RBFOX1: variants seen among roughly 807,000 people sequenced by gnomAD.
RBFOX1 encodes the protein RNA binding fox-1 homolog 1, also known as RNA binding protein fox-1 homolog 1.
Under a neutral mutation model 57.7 loss-of-function variants are expected in RBFOX1, and 8 were observed. The ratio of observed to expected loss-of-function variants is 0.14; its 90% CI spans 0.08 to 0.25. The LOEUF (loss-of-function observed/expected upper bound fraction) is 0.25, where lower values mean the gene tolerates loss of function less well. RBFOX1 is among the 10% of genes least tolerant of loss of function. The probability of loss-of-function intolerance (pLI) is 1.00; values close to 1 mark genes in which losing one functional copy is unlikely to be tolerated. For missense variants in RBFOX1, 611 were observed against 548.5 expected (o/e 1.11, Z -1.14); for synonymous variants, 326 against 222.4 (o/e 1.47, Z -4.15).
At chr16:7,366,279 G>A (rs899993369) in intron 4 of RBFOX1, among the ~76,000 whole-genome samples, 1 of 152,248 alleles carries the variant, frequency 6.6e-6, no homozygotes, top group East Asian at 1.9e-4. Flanking sequence ...CAGCAGAGCT[G>A]TGTCAGAGAA....
chr16:7,413,353 T>C (rs991406074), intron 4 of RBFOX1, among the ~76,000 whole-genome samples: 5 of 151,942 alleles, frequency 3.3e-5, no homozygotes, highest in Admixed American at 6.6e-5. Context: ...TCTGTAGCAA[T>C]GGGTCCCACA....
At chr16:6,271,283 G>A (rs1008730855) in intron 1 of RBFOX1, among the ~76,000 whole-genome samples, 3 of 152,100 alleles carry the variant, frequency 2.0e-5, no homozygotes, top group Non-Finnish European at 4.4e-5. Flanking sequence ...AATTAGCCGA[G>A]CATAGTGGCA....
At chr16:6,473,689 G>T (rs2095227938) in intron 2 of RBFOX1, among the ~76,000 whole-genome samples, 1 of 152,078 alleles carries the variant, frequency 6.6e-6, no homozygotes, top group South Asian at 2.1e-4. Flanking sequence ...CTTGCATTTT[G>T]CCAGAAACTC....
chr16:5,495,441 C>G (rs1488625257), intron 2 of RBFOX1, among the ~76,000 whole-genome samples: 4 of 152,212 alleles, frequency 2.6e-5, no homozygotes, highest in African/African-American at 9.6e-5. Context: ...GTCCCATCAT[C>G]CAGTCACCTC....
chr16:7,290,143 AAG>A (rs1245190690), intron 4 of RBFOX1, among the ~76,000 whole-genome samples: 2 of 152,202 alleles, frequency 1.3e-5, no homozygotes, highest in African/African-American at 4.8e-5. Flanking sequence ...TTCCATCTAT[AAG>A]AGAGATAAAA....
chr16:7,546,382 A>T (rs900251252), intron 5 of RBFOX1, among the ~76,000 whole-genome samples: 1 of 132,290 alleles, frequency 7.6e-6, no homozygotes, highest in Non-Finnish European at 1.7e-5. Context: ...ATAAAATAAT[A>T]AAATAAAATT....
rs551168742 is a variant in RBFOX1 at position 5,914,751 on chromosome 16, C to T, written c.351+47416C>T. 1.7e-3 allele frequency among the ~76,000 whole-genome samples: 256 copies of T among 152,050 alleles called. 2 individuals carry two copies. The highest frequency in any genetic ancestry group is 5.9e-3 in the African/African-American group (245 of 41,488). On this transcript the variant is annotated intron_variant, in intron 4 of 19. Coordinates refer to the RBFOX1 transcript ENST00000641259. ...CTCTACTAAAAATACAAAAAAATAG[C>T]GGGCATGGTGGCAGGCGCCTGTAGT...
chr16:7,425,501 A>G (rs970842100), intron 4 of RBFOX1, among the ~76,000 whole-genome samples: 1 of 152,218 alleles, frequency 6.6e-6, no homozygotes, highest in African/African-American at 2.4e-5. Context: ...TTATATCAGG[A>G]TGAATCATGT....
intron 4 of RBFOX1, among the ~76,000 whole-genome samples, chr16:7,200,025 G>C (rs2087910871): frequency 6.6e-6 from 1 of 152,212 alleles, no homozygotes; most frequent in Non-Finnish European, 1.5e-5. Flanking sequence ...CACAATCATA[G>C]AGCCAGATTT....
chr16:5,384,413 C>T (rs1444361689), intron 1 of RBFOX1, among the ~76,000 whole-genome samples: 1 of 152,186 alleles, frequency 6.6e-6, no homozygotes, highest in Non-Finnish European at 1.5e-5. Context: ...TAAGTTAAGG[C>T]ACTAACTTCA....
chr16:6,702,046 A>G (rs543777234), intron 3 of RBFOX1, among the ~76,000 whole-genome samples: 2 of 152,240 alleles, frequency 1.3e-5, no homozygotes, highest in African/African-American at 4.8e-5. Context: ...CCCTTGCAAC[A>G]TACAATTTAC....
At chr16:7,366,683 C>A (rs565965208) in intron 4 of RBFOX1, among the ~76,000 whole-genome samples, 1 of 151,756 alleles carries the variant, frequency 6.6e-6, no homozygotes, top group Non-Finnish European at 1.5e-5. Flanking sequence ...ATTTGTCAAG[C>A]CTGCATTGTG....
At chr16:6,390,621 A>G (rs1258055486) in intron 2 of RBFOX1, among the ~76,000 whole-genome samples, 2 of 152,210 alleles carry the variant, frequency 1.3e-5, no homozygotes, top group African/African-American at 4.8e-5. Flanking sequence ...TAAACTATGA[A>G]TTAAAATTAG....
intron 3 of RBFOX1, among the ~76,000 whole-genome samples, chr16:5,734,441 A>AT (rs2052498682): frequency 3.9e-5 from 6 of 152,146 alleles, no homozygotes; most frequent in Admixed American, 3.9e-4. Flanking sequence ...ATAAAATAAA[A>AT]AGAAAGAAAG....
At chr16:7,413,156 T>C (rs1381066978) in intron 4 of RBFOX1, among the ~76,000 whole-genome samples, 1 of 152,214 alleles carries the variant, frequency 6.6e-6, no homozygotes, top group African/African-American at 2.4e-5. Flanking sequence ...GTCACAAGCC[T>C]CCCTGATGAC....
At chr16:6,186,922 G>A (rs1421598472) in intron 1 of RBFOX1, among the ~76,000 whole-genome samples, 9 of 152,272 alleles carry the variant, frequency 5.9e-5, no homozygotes, top group East Asian at 1.9e-4. Flanking sequence ...CAATACTCTC[G>A]TGGTTCAAGA....
intron 4 of RBFOX1, among the ~76,000 whole-genome samples, chr16:6,009,980 T>G (rs1424127): frequency 6.6e-6 from 1 of 151,982 alleles, no homozygotes; most frequent in East Asian, 1.9e-4. Flanking sequence ...ACAGCACATT[T>G]TGACATTCCG....
intron 4 of RBFOX1, among the ~76,000 whole-genome samples, chr16:7,206,853 G>GA (rs111373359): frequency 8.9e-4 from 132 of 148,496 alleles, no homozygotes; most frequent in African/African-American, 1.3e-3. Context: ...CTTCTTATCA[G>GA]AAAAAAAAAA....
intron 2 of RBFOX1, among the ~76,000 whole-genome samples, chr16:6,360,104 T>G (rs1051783194): frequency 5.3e-5 from 8 of 152,218 alleles, no homozygotes; most frequent in Admixed American, 6.5e-5. Context: ...TTCCATGGCT[T>G]TATGAACTAT....
Sources: gnomAD v4.1 joint callset for allele counts (sites outside exome capture counted in the v4.1 genomes callset) on GRCh38, gnomAD v4.1.1 for gene constraint, MANE v1.5 for transcripts, NCBI Gene and HGNC (gene_info 2026-07-23, HGNC 2026-07-21) for gene names.